The following CFAP20DC variants were observed in gnomAD, a reference collection of about 807,000 sequenced individuals.
The protein encoded by CFAP20DC is protein CFAP20DC.
In CFAP20DC, 84 loss-of-function variants were observed where a neutral mutation model predicts 101.7. That is an observed-to-expected ratio of 0.83 (90% CI 0.69 to 0.99). CFAP20DC has a LOEUF of 0.99. Ranked by LOEUF, CFAP20DC falls within the 50% of genes least tolerant of loss-of-function variation. The pLI is 0.00. For synonymous variants in CFAP20DC, 359 were observed against 351.2 expected (o/e 1.02, Z -0.25); for missense variants, 1,007 against 970.3 (o/e 1.04, Z -0.50).
chr3:58,727,395 AATTCTG>A (rs2067568405), intron 3 of CFAP20DC: 1 of 152,254 alleles, frequency 6.6e-6, no homozygotes, highest in African/African-American at 2.4e-5. Context: ...TTATCTATTT[AATTCTG>A]ATCAGCTTCA....
intron 15 of CFAP20DC, among the ~76,000 whole-genome samples, chr3:58,761,738 C>G (rs2107371377): frequency 6.6e-6 from 1 of 152,308 alleles, no homozygotes; most frequent in East Asian, 1.9e-4. Flanking sequence ...TATGTTGTGT[C>G]TTTGTTCTCT....
chr3:58,966,515 T>C (rs2091550495), intron 4 of CFAP20DC, among the ~76,000 whole-genome samples: 1 of 146,242 alleles, frequency 6.8e-6, no homozygotes, highest in Admixed American at 6.8e-5. Flanking sequence ...TGTGTGTATA[T>C]ATATAAATAT....
At chr3:58,804,567 T>G (rs1270954951) in intron 15 of CFAP20DC, among the ~76,000 whole-genome samples, 1 of 152,172 alleles carries the variant, frequency 6.6e-6, no homozygotes, top group African/African-American at 2.4e-5. Flanking sequence ...TTCACCATGT[T>G]GGCTAGTCTT....
At chr3:58,845,929 T>C (rs1423005765) in intron 13 of CFAP20DC, among the ~76,000 whole-genome samples, 35 of 150,656 alleles carry the variant, frequency 2.3e-4, no homozygotes, top group African/African-American at 8.1e-4. Flanking sequence ...ATTATCTCAA[T>C]AGATGCAGAA....
chr3:58,751,478 T>C (rs2068568577), intron 16 of CFAP20DC, among the ~76,000 whole-genome samples: 1 of 152,106 alleles, frequency 6.6e-6, no homozygotes, highest in African/African-American at 2.4e-5. Context: ...CGGCTCCCTG[T>C]CATTTCTAAC....
intron 14 of CFAP20DC, among the ~76,000 whole-genome samples, chr3:58,814,678 T>C (rs1382141150): frequency 4.6e-5 from 7 of 150,832 alleles, no homozygotes; most frequent in Non-Finnish European, 1.0e-4. Context: ...ACAAAATCAA[T>C]GTACAAAAAT....
chr3:58,761,989 G>A (rs1333564249), intron 15 of CFAP20DC, among the ~76,000 whole-genome samples: 3 of 152,232 alleles, frequency 2.0e-5, no homozygotes, highest in Admixed American at 6.5e-5. Context: ...GGTGTGGTGT[G>A]GTGCTGAAAA....
chr3:58,980,432 T>G (rs908656231), intron 4 of CFAP20DC, among the ~76,000 whole-genome samples: 1 of 152,128 alleles, frequency 6.6e-6, no homozygotes, highest in Non-Finnish European at 1.5e-5. Flanking sequence ...ATATCCTTGA[T>G]GAACATTGAT....
At chr3:58,794,718 T>C (rs1042012000) in intron 15 of CFAP20DC, among the ~76,000 whole-genome samples, 7 of 152,198 alleles carry the variant, frequency 4.6e-5, no homozygotes, top group Admixed American at 2.6e-4. Flanking sequence ...CCAGGCTCAG[T>C]AGATGCTCCA....
intron 4 of CFAP20DC, among the ~76,000 whole-genome samples, chr3:58,961,423 G>A (rs531248771): frequency 1.3e-5 from 2 of 152,174 alleles, no homozygotes; most frequent in South Asian, 2.1e-4. Context: ...ATGTGGTGGC[G>A]GGTGTCTATA....
At chr3:59,013,912 G>T (rs2093638689) in intron 4 of CFAP20DC, among the ~76,000 whole-genome samples, 1 of 152,076 alleles carries the variant, frequency 6.6e-6, no homozygotes, top group African/African-American at 2.4e-5. Flanking sequence ...TAACTTCAGG[G>T]AACAAGAATT....
At chr3:58,996,951 C>T (rs1242476676) in intron 4 of CFAP20DC, among the ~76,000 whole-genome samples, 1 of 152,192 alleles carries the variant, frequency 6.6e-6, no homozygotes, top group East Asian at 1.9e-4. Context: ...CCTGGCCCCT[C>T]CTCTTCCTGT....
chr3:58,952,913 C>G (rs1271424934), intron 4 of CFAP20DC, among the ~76,000 whole-genome samples: 1 of 152,044 alleles, frequency 6.6e-6, no homozygotes, highest in African/African-American at 2.4e-5. Context: ...GCTCTCAAGT[C>G]TGGACGTAGA....
intron 14 of CFAP20DC, among the ~76,000 whole-genome samples, chr3:58,817,474 C>T (rs1280226940): frequency 6.2e-5 from 9 of 145,138 alleles, no homozygotes; most frequent in Non-Finnish European, 4.5e-5. Context: ...AACCAAGGCT[C>T]GAGAACTACG....
chr3:59,003,584 T>A (rs912424909), intron 4 of CFAP20DC, among the ~76,000 whole-genome samples: 6 of 152,198 alleles, frequency 3.9e-5, no homozygotes, highest in Non-Finnish European at 1.5e-5. Context: ...TATAAGCCTA[T>A]ATACAAACAG....
intron 4 of CFAP20DC, among the ~76,000 whole-genome samples, chr3:58,966,489 T>TATATAC (rs560664262): frequency 7.7e-5 from 9 of 116,586 alleles, no homozygotes; most frequent in African/African-American, 2.4e-4. Context: ...TATATATATA[T>TATATAC]ACACATATGT....
Position 58,931,519 on chromosome 3 carries a change from C to T in CFAP20DC, c.393+6129G>A, listed in dbSNP as rs553455544. Among the ~76,000 whole-genome samples, 13 of 151,416 alleles carry T rather than the reference C, an allele frequency of 8.6e-5. No individual in the cohort carries two copies. In the South Asian group the frequency reaches 2.1e-3, roughly 24 times the overall value. ...CCCTGAGCAGCCTAACTGGGAGGCACCCCCCAGTAGGGGCAGACTGACACT... is the reference window on the plus strand; with the variant it reads ...CCCTGAGCAGCCTAACTGGGAGGCATCCCCCAGTAGGGGCAGACTGACACT... On this transcript the variant is annotated intron_variant, in intron 5 of 16. Transcript: ENST00000482387.
intron 14 of CFAP20DC, among the ~76,000 whole-genome samples, chr3:58,817,381 G>A (rs934472780): frequency 5.3e-5 from 8 of 151,408 alleles, no homozygotes; most frequent in South Asian, 2.1e-4. Context: ...CAAAGAAGTT[G>A]AAAACTTCGA....
chr3:58,722,371 G>A lies in CFAP20DC; in HGVS notation c.198-4743C>T, dbSNP rs2067485089. Among the ~76,000 whole-genome samples the A allele has an allele frequency of 6.6e-6, 1 of 152,138 alleles. No individual in the cohort carries two copies. Among genetic ancestry groups the A allele is most frequent in the Admixed American group, 6.5e-5 (1 of 15,274 alleles). ...GTCTTATATCACTCAAGTTTGGGGT[G>A]GTTTGTTGTGCAGTGAGAGGTAACT... On this transcript the variant is annotated intron_variant, in intron 3 of 3. Coordinates refer to the CFAP20DC transcript ENST00000486145. The surrounding 1 kb of genome is among the most constrained non-coding windows in gnomAD (Gnocchi z 4.5).
Sources: gnomAD v4.1 joint callset for allele counts (sites outside exome capture counted in the v4.1 genomes callset) on GRCh38, gnomAD v4.1.1 for gene constraint, Gnocchi (gnomAD v3.1) non-coding constraint, MANE v1.5 for transcripts, NCBI Gene and HGNC (gene_info 2026-07-23, HGNC 2026-07-21) for gene names.